ZNF16: variants seen among roughly 807,000 people sequenced by gnomAD.
ZNF16 encodes the protein zinc finger protein 16.
Under a neutral mutation model 9.0 loss-of-function variants are expected in ZNF16, and 7 were observed. That is an observed-to-expected ratio of 0.78 (90% confidence interval 0.44 to 1.47). The LOEUF is 1.47. ZNF16 is among the 40% of genes most tolerant of loss of function. The probability of loss-of-function intolerance (pLI) is 0.01; values close to 1 mark genes in which losing one functional copy is unlikely to be tolerated. For synonymous variants in ZNF16, 312 were observed against 301.5 expected (o/e 1.03, Z -0.36); for missense variants, 830 against 854.2 (o/e 0.97, Z 0.35).
rs571843934 is a variant in ZNF16, at chr8:144,940,323, C to T, written c.196+5688G>A. 2.6e-5 allele frequency among the ~76,000 whole-genome samples: 4 copies of T among 152,260 alleles called. No homozygotes were observed. In the South Asian group the frequency reaches 8.3e-4, roughly 32 times the overall value. Reference sequence around the variant, plus strand: ...CTCGAACTCCTGGGCTTAAGCGATCCACCCACCTCAGCCTCCCAATCACAC... The same window carrying T: ...CTCGAACTCCTGGGCTTAAGCGATCTACCCACCTCAGCCTCCCAATCACAC... On this transcript the variant is annotated intron_variant, in intron 2 of 2. Transcript: ENST00000394909.
At chr8:144,942,851 T>C (rs1161898298) in intron 2 of ZNF16, among the ~76,000 whole-genome samples, 9 of 152,224 alleles carry the variant, frequency 5.9e-5, no homozygotes. Flanking sequence ...CAATTAATTT[T>C]GCACCAACTT....
At chr8:144,947,319 C>CCTGTGTCCTGTTGTG (rs1833986742) in intron 1 of ZNF16, among the ~76,000 whole-genome samples, 11 of 31,070 alleles carry the variant, frequency 3.5e-4, no homozygotes, top group African/African-American at 1.7e-3. Context: ...TACCCTGCTG[C>CCTGTGTCCTGTTGTG]GGGCCTGTAT....
Position 144,931,771 on chromosome 8 carries a change from T to C in ZNF16, c.1016A>G (p.His339Arg), listed in dbSNP as rs1031811731. Reference sequence around the variant, plus strand: ...TTTCTCCCCAGAATGGATTCTTTGATGTTGGATGAGGTTTGAGCTCCGCCT... The same window carrying C: ...TTTCTCCCCAGAATGGATTCTTTGACGTTGGATGAGGTTTGAGCTCCGCCT... ...AFRRSSNLIQ[H>R]QRIHSGEKPY... Residue 339 changes from histidine (H) to arginine (R), a missense_variant, in exon 3 of 3, where the codon CAT becomes CGT. Coordinates refer to ENST00000394909, the MANE Select transcript of ZNF16 (RefSeq NM_006958.3). The C allele has an allele frequency of 2.5e-6, 4 of 1,614,190 alleles. No individual in the cohort carries two copies. Among genetic ancestry groups the C allele is most frequent in the Non-Finnish European group, 3.4e-6 (4 of 1,180,040 alleles).
chr8:144,949,260 T>C (rs911901192), intron 1 of ZNF16, among the ~76,000 whole-genome samples: 1 of 152,092 alleles, frequency 6.6e-6, no homozygotes, highest in African/African-American at 2.4e-5. Context: ...CCAGAGTACC[T>C]CCTCCACACG....
intron 2 of ZNF16, chr8:144,944,363 G>A (rs1333988950): frequency 2.0e-5 from 3 of 151,902 alleles, no homozygotes; most frequent in Non-Finnish European, 2.9e-5. Flanking sequence ...AGCCACCGTG[G>A]TGCTGGGTTA....
chr8:144,946,477 G>A (rs1833930852), intron 1 of ZNF16, among the ~76,000 whole-genome samples: 1 of 152,162 alleles, frequency 6.6e-6, no homozygotes, highest in African/African-American at 2.4e-5. Flanking sequence ...GTGGGTCATG[G>A]TGCCCAGACC....
Position 144,932,568 on chromosome 8 carries a change from G to A in ZNF16, c.219C>T (p.Asp73=), listed in dbSNP as rs1223671282. Residue 73 remains aspartate (D), a synonymous_variant, in exon 3 of 3, where the codon GAC becomes GAT. Transcript: ENST00000394909. The surrounding 1 kb of genome is among the most constrained non-coding windows in gnomAD (Gnocchi z 5.0). Reference sequence around the variant, plus strand: ...TGTCTTCCTTGTGAAGAAACTCCTTGTCTTCAGTCCTGGTGTCACAATCTG... The same window carrying A: ...TGTCTTCCTTGTGAAGAAACTCCTTATCTTCAGTCCTGGTGTCACAATCTG... ...QQPDCDTRTE[D]KEFLHKEDIH... 1.9e-6 allele frequency: 3 copies of A among 1,613,774 alleles called. No individual in the cohort carries two copies. Among genetic ancestry groups the A allele is most frequent in the South Asian group, 2.2e-5 (2 of 91,038 alleles).
intron 1 of ZNF16, among the ~76,000 whole-genome samples, chr8:144,946,798 T>C (rs1301731498): frequency 1.8e-5 from 2 of 110,432 alleles, no homozygotes; most frequent in Admixed American, 8.6e-5. Flanking sequence ...TGGGCCTGTG[T>C]CCTGCTGTGG....
chr8:144,950,468 C>G (rs1159205627), intron 1 of ZNF16: 1 of 152,230 alleles, frequency 6.6e-6, no homozygotes, highest in Non-Finnish European at 1.5e-5. Context: ...CGCCCGAGCT[C>G]GAATGGTGGC....
chr8:144,946,320 C>T, intron 1 of ZNF16, 105 bp from the exon 2 acceptor site: 1 of 1,126,288 alleles, frequency 8.9e-7, no homozygotes, highest in East Asian at 2.7e-5. Context: ...AGCCCAAGAC[C>T]TGAAGAGGGC....
Position 144,946,043 on chromosome 8 carries a change from A to C in ZNF16, c.164T>G (p.Leu55Arg). 6.2e-7 allele frequency: 1 copy of C among 1,613,860 alleles called. No individual in the cohort carries two copies. Among genetic ancestry groups the C allele is most frequent in the Non-Finnish European group, 8.5e-7 (1 of 1,179,822 alleles). Reference protein sequence around the residue: ...CGTPCCSDTELEAICPHYQQP... With the variant: ...CGTPCCSDTEREAICPHYQQP... ...CTGATAGTGAGGGCAGATGGCTTCC[A>C]GCTCAGTATCACTACAGCAGGGGGT... Residue 55 changes from leucine (L) to arginine (R), a missense_variant, in exon 2 of 3, where the codon CTG becomes CGG. Leu to Arg is a moderately radical substitution (Grantham distance 102). Coordinates refer to ENST00000394909, the MANE Select transcript of ZNF16 (RefSeq NM_006958.3).
At position 144,931,921 on chromosome 8, in the gene ZNF16, C is replaced by G; in HGVS notation, c.866G>C (p.Ser289Thr). ...DFSRHQSHHS[S>T]ERPYMCNECG... is the part of the protein sequence containing the mutation. ...TTCATTACACATATAAGGCCTCTCACTGCTGTGGTGACTCTGATGCCTAGA... is the reference window on the plus strand; with the variant it reads ...TTCATTACACATATAAGGCCTCTCAGTGCTGTGGTGACTCTGATGCCTAGA... Residue 289 changes from serine (S) to threonine (T), a missense_variant, in exon 3 of 3, where the codon AGT (serine) becomes ACT (threonine). Ser to Thr is a moderately conservative substitution (Grantham distance 58, BLOSUM62 1). Coordinates refer to ENST00000394909, the MANE Select transcript of ZNF16 (RefSeq NM_006958.3). 1 of 1,613,616 alleles carries G rather than the reference C, an allele frequency of 6.2e-7. No homozygotes were observed. Among genetic ancestry groups the G allele is most frequent in the Non-Finnish European group, 8.5e-7 (1 of 1,179,556 alleles).
chr8:144,930,656 G>T lies in ZNF16; in HGVS notation c.*82C>A. On this transcript the variant is annotated 3_prime_UTR_variant, in exon 3 of 3. Transcript: ENST00000394909. Reference sequence around the variant, plus strand: ...AGCTGAGTCCAGGCTTTCGGTCTGGGAAGTGGCAGAGGCTGAGACAATGGC... The same window carrying T: ...AGCTGAGTCCAGGCTTTCGGTCTGGTAAGTGGCAGAGGCTGAGACAATGGC... The T allele has an allele frequency of 6.8e-7, 1 of 1,460,508 alleles. No homozygotes were observed. Among genetic ancestry groups the T allele is most frequent in the Non-Finnish European group, 9.1e-7 (1 of 1,094,378 alleles). 90.5% of individuals were successfully genotyped at this position (1,460,508 alleles called of 1,614,324 possible).
intron 2 of ZNF16, among the ~76,000 whole-genome samples, chr8:144,942,839 C>T (rs1833837832): frequency 6.6e-6 from 1 of 152,092 alleles, no homozygotes; most frequent in Non-Finnish European, 1.5e-5. Flanking sequence ...TGGCAAAAAC[C>T]ACAATTAATT....
At chr8:144,935,020 A>G (rs1395299286) in intron 2 of ZNF16, among the ~76,000 whole-genome samples, 2 of 152,240 alleles carry the variant, frequency 1.3e-5, no homozygotes, top group Admixed American at 6.5e-5. Context: ...CTGTTTAGAT[A>G]GATCAAAGTC....
chr8:144,934,173 C>A (rs1833621660), intron 2 of ZNF16, among the ~76,000 whole-genome samples: 1 of 152,254 alleles, frequency 6.6e-6, no homozygotes. Flanking sequence ...CTCACCATGA[C>A]CCTCCTGGGA....
rs537860565 is a variant in ZNF16, at chr8:144,949,964, G to A, written c.-10+833C>T. Among the ~76,000 whole-genome samples, 8 of 152,254 alleles carry A rather than the reference G, an allele frequency of 5.3e-5. No individual in the cohort carries two copies. In the East Asian group the frequency reaches 7.7e-4, roughly 15 times the overall value. On this transcript the variant is annotated intron_variant, in intron 1 of 2. Transcript: ENST00000394909. Reference sequence around the variant, plus strand: ...GGCCACTCTCTCCTGCCTGCCCCTGGGAACTGAATGTCTCGGTATAAAACC... The same window carrying A: ...GGCCACTCTCTCCTGCCTGCCCCTGAGAACTGAATGTCTCGGTATAAAACC...
chr8:144,948,705 T>C (rs1834019806), intron 1 of ZNF16, among the ~76,000 whole-genome samples: 1 of 151,914 alleles, frequency 6.6e-6, no homozygotes, highest in East Asian at 1.9e-4. Context: ...TATAAACATA[T>C]GTTTGCCTTT....
At position 144,934,022 on chromosome 8, in the gene ZNF16, C is replaced by T. The variant is rs2471924; in HGVS notation, c.197-1432G>A. Among the ~76,000 whole-genome samples the T allele has an allele frequency of 3.0e-3, 452 of 152,322 alleles. 4 individuals are homozygous for T. The highest frequency in any genetic ancestry group is 0.01 in the African/African-American group (434 of 41,564). On this transcript the variant is annotated intron_variant, in intron 2 of 2. Coordinates refer to ENST00000394909, the MANE Select transcript of ZNF16 (RefSeq NM_006958.3). ...CTCCAATGCCCCTCCCACCTTGCGGCGTCCACTCTGCTCCCTCCCTGCCTC... is the reference window on the plus strand; with the variant it reads ...CTCCAATGCCCCTCCCACCTTGCGGTGTCCACTCTGCTCCCTCCCTGCCTC...
Sources: gnomAD v4.1 joint callset for allele counts (sites outside exome capture counted in the v4.1 genomes callset) on GRCh38, gnomAD v4.1.1 for gene constraint, Gnocchi (gnomAD v3.1) non-coding constraint, MANE v1.5 for transcripts, NCBI Gene and HGNC (gene_info 2026-07-23, HGNC 2026-07-21) for gene names.